Variants in FCHSD2 observed in about 807,000 individuals in gnomAD.
The protein encoded by FCHSD2 is FCH and double SH3 domains 2.
Under a neutral mutation model 108.1 loss-of-function variants are expected in FCHSD2, and 38 were observed. That is an observed-to-expected ratio of 0.35 (90% CI 0.27 to 0.46). The LOEUF (loss-of-function observed/expected upper bound fraction) is 0.46. Ranked by LOEUF, FCHSD2 falls within the 20% of genes least tolerant of loss-of-function variation. The pLI is 1.00. For synonymous variants in FCHSD2, 279 were observed against 314.7 expected, an observed-to-expected ratio of 0.89 and a Z score of 1.20; for missense variants, 751 against 897.8, an observed-to-expected ratio of 0.84 and a Z score of 2.09.
chr11:73,122,545 A>G (rs908510524), intron 2 of FCHSD2, among the ~76,000 whole-genome samples: 4 of 152,244 alleles, frequency 2.6e-5, no homozygotes, highest in African/African-American at 9.6e-5. Context: ...GTAGAGATGC[A>G]TGGCTAAGGA....
At chr11:72,840,008 G>C (rs1365213787) in intron 19 of FCHSD2, among the ~76,000 whole-genome samples, 1 of 152,186 alleles carries the variant, frequency 6.6e-6, no homozygotes, top group Non-Finnish European at 1.5e-5. Flanking sequence ...ATGTAGAGAA[G>C]CACATCAGCC....
At chr11:72,904,142 T>C (rs1855583354) in intron 9 of FCHSD2, among the ~76,000 whole-genome samples, 1 of 151,844 alleles carries the variant, frequency 6.6e-6, no homozygotes, top group South Asian at 2.1e-4. Context: ...AGGTGAGGAG[T>C]TGTCAGAATA....
At chr11:72,927,103 C>A (rs892128643) in intron 8 of FCHSD2, among the ~76,000 whole-genome samples, 1 of 152,152 alleles carries the variant, frequency 6.6e-6, no homozygotes, top group African/African-American at 2.4e-5. Context: ...TTCAGTCTTG[C>A]CCTCTCTTCT....
At position 72,845,343 on chromosome 11, in the gene FCHSD2, TCAGGGAGGCAGAGGTTG is replaced by T. The variant is rs752841485; in HGVS notation, c.1444-1828_1444-1812del. On this transcript the variant is annotated intron_variant, in intron 14 of 19. Coordinates refer to ENST00000409418, the MANE Select transcript of FCHSD2 (RefSeq NM_014824.3). Reference sequence around the variant, plus strand: ...GGCTGAGGTGGGAGGATCACTTGAATCAGGGAGGCAGAGGTTGCAGGGAGGCAGAGGTTGCAGTGAGC... The same window carrying T: ...GGCTGAGGTGGGAGGATCACTTGAATCAGGGAGGCAGAGGTTGCAGTGAGC... Among the ~76,000 whole-genome samples the T allele has an allele frequency of 3.1e-4, 45 of 146,774 alleles. No homozygotes were observed. In the East Asian group the frequency reaches 6.2e-3, roughly 20 times the overall value.
chr11:72,959,857 T>TGG (rs1008760045), intron 8 of FCHSD2, among the ~76,000 whole-genome samples: 4 of 147,736 alleles, frequency 2.7e-5, no homozygotes, highest in Admixed American at 6.8e-5. Context: ...TTCTAGGGTG[T>TGG]GTGTGTGTGT....
At chr11:72,876,827 TTATG>T (rs1425589188) in intron 12 of FCHSD2, among the ~76,000 whole-genome samples, 1 of 152,238 alleles carries the variant, frequency 6.6e-6, no homozygotes, top group Admixed American at 6.5e-5. Context: ...AGTTTTTGCT[TTATG>T]TATGTTGTAG....
intron 3 of FCHSD2, among the ~76,000 whole-genome samples, chr11:73,073,664 A>T (rs1201083881): frequency 6.6e-6 from 1 of 152,246 alleles, no homozygotes; most frequent in Non-Finnish European, 1.5e-5. Flanking sequence ...ACAGAGGATA[A>T]CAATATACAT....
At chr11:72,970,076 C>T (rs753612284) in intron 8 of FCHSD2, among the ~76,000 whole-genome samples, 6 of 152,310 alleles carry the variant, frequency 3.9e-5, no homozygotes, top group Admixed American at 6.5e-5. Flanking sequence ...AAAATGAACC[C>T]AACTTGCTGT....
At chr11:72,903,226 TTTA>T (rs1273943099) in intron 9 of FCHSD2, among the ~76,000 whole-genome samples, 1 of 138,016 alleles carries the variant, frequency 7.2e-6, no homozygotes, top group African/African-American at 2.6e-5. Flanking sequence ...TATTTATTTA[TTTA>T]TTTTTTGAGA....
intron 14 of FCHSD2, among the ~76,000 whole-genome samples, chr11:72,846,423 G>C (rs188051439): frequency 6.6e-6 from 1 of 151,916 alleles, no homozygotes; most frequent in Non-Finnish European, 1.5e-5. Flanking sequence ...CTCGCGATTC[G>C]CCCGCCTTGG....
intron 12 of FCHSD2, among the ~76,000 whole-genome samples, chr11:72,885,154 G>GA (rs1855170207): frequency 6.6e-6 from 1 of 152,094 alleles, no homozygotes; most frequent in East Asian, 1.9e-4. Context: ...AATCCTGTAA[G>GA]TACTACCCCA....
At position 73,052,661 on chromosome 11, in the gene FCHSD2, T is replaced by C. The variant is rs1238642470; in HGVS notation, c.165+31034A>G. Among the ~76,000 whole-genome samples, 3 of 152,174 alleles carry C rather than the reference T, an allele frequency of 2.0e-5. No homozygotes were observed. The East Asian group carries it at 5.8e-4, about 29-fold the overall frequency. On this transcript the variant is annotated intron_variant, in intron 3 of 19. Transcript: ENST00000409418. ...AGATAAAAAAGTTTGGTCCTAATGT[T>C]TTAAAGGTGTGAATTGGACAATTGG... is the stretch of plus-strand genomic sequence containing the variant.
intron 2 of FCHSD2, among the ~76,000 whole-genome samples, chr11:73,131,185 C>T (rs1407196347): frequency 1.3e-5 from 2 of 151,058 alleles, no homozygotes; most frequent in African/African-American, 2.4e-5. Flanking sequence ...AGTTGGAGAC[C>T]AGCCCTAACC....
chr11:72,929,885 C>T (rs990766222), intron 8 of FCHSD2, among the ~76,000 whole-genome samples: 3 of 152,262 alleles, frequency 2.0e-5, no homozygotes, highest in African/African-American at 7.2e-5. Context: ...TTCCCTTTAT[C>T]CTACCCTTAG....
At chr11:72,904,590 A>C (rs376962688) in intron 9 of FCHSD2, among the ~76,000 whole-genome samples, 8 of 152,310 alleles carry the variant, frequency 5.3e-5, no homozygotes, top group African/African-American at 1.9e-4. Context: ...TAAATATTTC[A>C]GTATGACATC....
At chr11:73,045,786 G>A (rs1234784496) in intron 3 of FCHSD2, among the ~76,000 whole-genome samples, 8 of 151,846 alleles carry the variant, frequency 5.3e-5, no homozygotes, top group Non-Finnish European at 1.2e-4. Flanking sequence ...GGGGAGCGGG[G>A]AGGGATAGCA....
chr11:73,073,867 C>T (rs1307778313), intron 3 of FCHSD2, among the ~76,000 whole-genome samples: 8 of 151,882 alleles, frequency 5.3e-5, no homozygotes, highest in Admixed American at 5.3e-4. Context: ...GCTGTAATCA[C>T]AGTACCTAGA....
intron 2 of FCHSD2, among the ~76,000 whole-genome samples, chr11:73,110,175 T>A (rs1394963573): frequency 6.6e-6 from 1 of 151,924 alleles, no homozygotes; most frequent in Non-Finnish European, 1.5e-5. Context: ...GTGTCTTTGG[T>A]CTTTGGTATC....
chr11:73,077,365 T>G (rs1164425911), intron 3 of FCHSD2, among the ~76,000 whole-genome samples: 1 of 152,094 alleles, frequency 6.6e-6, no homozygotes, highest in African/African-American at 2.4e-5. Context: ...CAATAAATAC[T>G]ACTACACATC....
Sources: allele counts gnomAD v4.1 joint callset (sites outside exome capture counted in the v4.1 genomes callset), GRCh38; gene constraint gnomAD v4.1.1; transcripts MANE v1.5; gene names NCBI Gene and HGNC (gene_info 2026-07-23, HGNC 2026-07-21).